The following ZNF571 variants were observed in gnomAD, a reference collection of about 807,000 sequenced individuals.
ZNF571 encodes zinc finger protein 571.
In ZNF571, 4 loss-of-function variants were observed where a neutral mutation model predicts 7.7. The ratio of observed to expected loss-of-function variants is 0.52; its 90% CI spans 0.25 to 1.18. ZNF571 has a LOEUF of 1.18. ZNF571 is among the 50% of genes most tolerant of loss of function. ZNF571 has a pLI of 0.14. For synonymous variants in ZNF571, 251 were observed against 232.4 expected (o/e 1.08, Z -0.73); for missense variants, 704 against 726.9 (o/e 0.97, Z 0.36).
chr19:37,593,191 T>C (rs1167801340), intron 1 of ZNF571, among the ~76,000 whole-genome samples: 3 of 152,102 alleles, frequency 2.0e-5, no homozygotes, highest in Non-Finnish European at 4.4e-5. Context: ...TTTTTGGTAA[T>C]ATATGCTTAT....
At position 37,565,381 on chromosome 19, in the gene ZNF571, T is replaced by C. The variant is rs566897177; in HGVS notation, c.1047A>G (p.Gln349=). ...ECGKAFLCAS[Q]LNEHQRIHTG... Reference sequence around the variant, plus strand: ...TATGAATTCTCTGATGTTCATTCAGTTGGGAGGCACATAAAAAGGCTTTCC... The same window carrying C: ...TATGAATTCTCTGATGTTCATTCAGCTGGGAGGCACATAAAAAGGCTTTCC... The change falls in exon 4 of 4, where the codon CAA becomes CAG. Residue 349 remains glutamine, a synonymous_variant. Coordinates refer to ENST00000451802, the MANE Select transcript of ZNF571 (RefSeq NM_016536.5). 1.3e-4 allele frequency: 209 copies of C among 1,613,434 alleles called. 2 individuals are homozygous for C. In the Middle Eastern group the frequency reaches 1.8e-3, roughly 14 times the overall value.
rs1258597903 is a variant in ZNF571 at position 37,564,659 on chromosome 19, T to C, written c.1769A>G (p.Gln590Arg). 4.4e-6 allele frequency: 7 copies of C among 1,608,102 alleles called. No individual in the cohort carries two copies. The East Asian group carries it at 1.3e-4, about 31-fold the overall frequency. ...AGGACATCTAAAGTCTTTACCACAC[T>C]GGACACATGTATAGGGTTTCTCACC... ...HTGEKPYTCVQCGKDFRCPSQ... is the reference protein window; with the variant it reads ...HTGEKPYTCVRCGKDFRCPSQ... Residue 590 changes from glutamine to arginine, a missense_variant, in exon 4 of 4, where the codon CAG (glutamine) becomes CGG (arginine). Physicochemically the swap from Gln to Arg is conservative, Grantham distance 43 (BLOSUM62 1). Transcript: ENST00000451802.
chr19:37,570,319 A>T (rs980646240), intron 3 of ZNF571, among the ~76,000 whole-genome samples: 2 of 152,104 alleles, frequency 1.3e-5, no homozygotes, highest in Non-Finnish European at 2.9e-5. Flanking sequence ...CCCGCCTGTG[A>T]TTATTTTCTT....
chr19:37,569,462 A>G lies in ZNF571; in HGVS notation c.137-3171T>C, dbSNP rs951194675. 5.3e-5 allele frequency among the ~76,000 whole-genome samples: 8 copies of G among 152,242 alleles called. No individual in the cohort carries two copies. The highest frequency in any genetic ancestry group is 1.7e-4 in the African/African-American group (7 of 41,462). ...TCAAACTTCTTTTGACTAAAATTTC[A>G]TAGTAAGAAATACATATTATGACTG... On this transcript the variant is annotated intron_variant, in intron 3 of 3. Coordinates refer to ENST00000451802, the MANE Select transcript of ZNF571 (RefSeq NM_016536.5). The surrounding 1 kb of genome is among the most constrained non-coding windows in gnomAD (Gnocchi z 4.4).
chr19:37,575,077 A>G (rs973291681), intron 3 of ZNF571, among the ~76,000 whole-genome samples: 1 of 152,234 alleles, frequency 6.6e-6, no homozygotes, highest in Admixed American at 6.5e-5. Context: ...AACACCCCAA[A>G]TAACAAAACT....
chr19:37,589,554 TGAAAC>T lies in ZNF571; in HGVS notation c.-69-2814_-69-2810del, dbSNP rs2147211153. Among the ~76,000 whole-genome samples, 2 of 152,040 alleles carry T rather than the reference TGAAAC, an allele frequency of 1.3e-5. 1 individual carries two copies. Among genetic ancestry groups the T allele is most frequent in the South Asian group, 4.2e-4 (2 of 4,816 alleles). Reference sequence around the variant, plus strand: ...CATTTAAATAAAGAGAAATTCAAATTGAAACGAAATTGAGAAGACTTCTGAATCCA... The same window carrying T: ...CATTTAAATAAAGAGAAATTCAAATTGAAATTGAGAAGACTTCTGAATCCA... On this transcript the variant is annotated intron_variant, in intron 1 of 3. Transcript: ENST00000451802.
intron 1 of ZNF571, among the ~76,000 whole-genome samples, chr19:37,593,125 G>GTT (rs767668305): frequency 6.8e-6 from 1 of 146,522 alleles, no homozygotes. Context: ...CTTATTGTTA[G>GTT]TTTTTTTTTT....
At chr19:37,585,441 T>C (rs2043637057) in intron 2 of ZNF571, 1 of 152,220 alleles carries the variant, frequency 6.6e-6, no homozygotes, top group Non-Finnish European at 1.5e-5. Flanking sequence ...ACCAGCCTGA[T>C]AAGAATAGGC....
At chr19:37,587,682 CAGTA>C (rs959419545) in intron 1 of ZNF571, among the ~76,000 whole-genome samples, 42 of 151,960 alleles carry the variant, frequency 2.8e-4, no homozygotes, top group Admixed American at 5.9e-4. Context: ...CAAGAAAACC[CAGTA>C]AGAGAGCAGG....
intron 3 of ZNF571, among the ~76,000 whole-genome samples, chr19:37,576,947 C>G (rs2147179885): frequency 6.6e-6 from 1 of 152,200 alleles, no homozygotes; most frequent in South Asian, 2.1e-4. Context: ...GTAAACCTCA[C>G]TATCTCTTGC....
At chr19:37,591,368 T>TA (rs762896156) in intron 1 of ZNF571, among the ~76,000 whole-genome samples, 1 of 152,174 alleles carries the variant, frequency 6.6e-6, no homozygotes, top group African/African-American at 2.4e-5. Flanking sequence ...ACCACTGGCT[T>TA]AAAAAAGAGC....
In ZNF571 at chr19:37,586,690, T is replaced by G; in HGVS notation, c.-14A>C. The G allele has an allele frequency of 1.2e-6, 2 of 1,614,060 alleles. No homozygotes were observed. Among genetic ancestry groups the G allele is most frequent in the Non-Finnish European group, 1.7e-6 (2 of 1,179,968 alleles). The stretch of plus-strand genomic sequence containing the variant: ...CACGTGGGGCATGGTTTTTTAGAAC[T>G]GATCAATTTTCTGGGTTCTTCTCCT... On this transcript the variant is annotated 5_prime_UTR_variant, in exon 2 of 4. Coordinates refer to ENST00000451802, the MANE Select transcript of ZNF571 (RefSeq NM_016536.5).
chr19:37,583,763 A>T (rs1356158947), intron 3 of ZNF571: 3 of 469,588 alleles, frequency 6.4e-6, no homozygotes, highest in Non-Finnish European at 1.1e-5. Flanking sequence ...GTCCATTGGC[A>T]TCAAAGAAGG....
intron 3 of ZNF571, chr19:37,567,816 T>A (rs188112999): frequency 6.6e-6 from 1 of 152,322 alleles, no homozygotes; most frequent in East Asian, 1.9e-4. Flanking sequence ...AAAATTTCAT[T>A]TATTTATCTG....
intron 1 of ZNF571, among the ~76,000 whole-genome samples, chr19:37,588,620 C>G (rs1380352568): frequency 6.6e-6 from 1 of 152,148 alleles, no homozygotes; most frequent in African/African-American, 2.4e-5. Flanking sequence ...CTGCTCACTA[C>G]CTGGGTGACT....
rs1322117555 is a variant in ZNF571, at chr19:37,567,813, CATTT to C, written c.137-1526_137-1523del. On this transcript the variant is annotated intron_variant, in intron 3 of 3. Coordinates refer to ENST00000451802, the MANE Select transcript of ZNF571 (RefSeq NM_016536.5). The stretch of plus-strand genomic sequence containing the variant: ...TTGAATTTTTGCAATTCTAAAATTT[CATTT>C]ATTTATCTGTTGATCTTTCTGCTCC... The C allele has an allele frequency of 3.3e-5, 5 of 150,850 alleles. No homozygotes were observed. In the East Asian group the frequency reaches 7.7e-4, roughly 23 times the overall value. 9.3% of individuals were successfully genotyped at this position (150,850 alleles called of 1,614,324 possible).
chr19:37,565,401 C>T lies in ZNF571; in HGVS notation c.1027G>A (p.Ala343Thr), dbSNP rs1242539291. The T allele has an allele frequency of 2.5e-6, 4 of 1,613,688 alleles. No individual in the cohort carries two copies. In the East Asian group the frequency reaches 8.9e-5, roughly 36 times the overall value. ...KPYICKECGK[A>T]FLCASQLNEH... is the part of the protein sequence containing the mutation. The stretch of plus-strand genomic sequence containing the variant: ...TTCAGTTGGGAGGCACATAAAAAGG[C>T]TTTCCCACATTCTTTACATATGTAA... Residue 343 changes from alanine (A) to threonine (T), a missense_variant, in exon 4 of 4, where the codon GCC becomes ACC. Transcript: ENST00000451802.
rs760281238 is a variant in ZNF571 at position 37,565,643 on chromosome 19, T to C, written c.785A>G (p.Tyr262Cys). ...CTGATGAAGAGTATATTGTGAACAATAACTAAAGGCTTTTCCACATTTCTT... is the reference window on the plus strand; with the variant it reads ...CTGATGAAGAGTATATTGTGAACAACAACTAAAGGCTTTTCCACATTTCTT... ...ECKKCGKAFSYCSQYTLHQRI... is the reference protein window; with the variant it reads ...ECKKCGKAFSCCSQYTLHQRI... The change falls in exon 4 of 4, where the codon TAT (tyrosine) becomes TGT (cysteine). Residue 262 changes from tyrosine (Y) to cysteine (C), a missense_variant. By Grantham distance (194) the Tyr-to-Cys change is radical. Transcript: ENST00000451802. The C allele has an allele frequency of 1.2e-6, 2 of 1,613,112 alleles. No homozygotes were observed. The highest frequency in any genetic ancestry group is 1.7e-6 in the Non-Finnish European group (2 of 1,179,696).
chr19:37,566,489 T>A, intron 3 of ZNF571, 198 bp from the exon 4 acceptor site: 1 of 583,392 alleles, frequency 1.7e-6, no homozygotes, highest in Non-Finnish European at 2.8e-6. Context: ...AAGAAGGTAA[T>A]TAGAAAAATA....
Sources: allele counts gnomAD v4.1 joint callset (sites outside exome capture counted in the v4.1 genomes callset), GRCh38; gene constraint gnomAD v4.1.1; non-coding constraint Gnocchi (gnomAD v3.1); transcripts MANE v1.5; gene names NCBI Gene and HGNC (gene_info 2026-07-23, HGNC 2026-07-21).